Variants in HDAC9 observed in about 807,000 individuals in gnomAD.
HDAC9 encodes histone deacetylase 9.
Under a neutral mutation model 139.4 loss-of-function variants are expected in HDAC9, and 41 were observed. The observed-to-expected ratio is 0.29, with a 90% CI of 0.23 to 0.38. The LOEUF (loss-of-function observed/expected upper bound fraction) is 0.38. HDAC9 is among the 10% of genes least tolerant of loss of function. HDAC9 has a pLI of 1.00. For synonymous variants in HDAC9, 517 were observed against 476.2 expected (o/e 1.09, Z -1.12); for missense variants, 1,147 against 1,297.0 (o/e 0.88, Z 1.78).
intron 22 of HDAC9, among the ~76,000 whole-genome samples, chr7:18,929,383 C>T (rs1223228794): frequency 2.6e-5 from 4 of 151,966 alleles, no homozygotes; most frequent in African/African-American, 9.7e-5. Context: ...GGATTTCATT[C>T]TGAAAAGGCC....
intron 6 of HDAC9, among the ~76,000 whole-genome samples, chr7:18,605,628 G>T (rs1230821229): frequency 4.6e-5 from 7 of 152,070 alleles, no homozygotes; most frequent in Admixed American, 6.5e-5. Flanking sequence ...GTTCCTGGAA[G>T]TAAAACCCAT....
intron 12 of HDAC9, among the ~76,000 whole-genome samples, chr7:18,712,358 G>A (rs2129114976): frequency 6.6e-6 from 1 of 152,292 alleles, no homozygotes; most frequent in South Asian, 2.1e-4. Context: ...GCTCTAGCAT[G>A]TGGGACTATT....
intron 17 of HDAC9, among the ~76,000 whole-genome samples, chr7:18,822,590 G>T (rs143034638): frequency 3.9e-4 from 60 of 152,136 alleles, no homozygotes; most frequent in African/African-American, 1.4e-3. Context: ...TTGACCTCAG[G>T]TATCCACCTG....
intron 11 of HDAC9, among the ~76,000 whole-genome samples, chr7:18,658,323 C>G (rs1791953790): frequency 1.3e-5 from 2 of 152,132 alleles, no homozygotes; most frequent in African/African-American, 4.8e-5. Context: ...GCAATGTTCT[C>G]AAACTAGTTG....
At chr7:18,122,011 G>A (rs1206601568) in intron 1 of HDAC9, among the ~76,000 whole-genome samples, 1 of 151,542 alleles carries the variant, frequency 6.6e-6, no homozygotes, top group Non-Finnish European at 1.5e-5. Context: ...AGGCATTCTT[G>A]TATTTCTTCA....
At chr7:18,309,026 T>G (rs1175700566) in intron 1 of HDAC9, among the ~76,000 whole-genome samples, 1 of 152,170 alleles carries the variant, frequency 6.6e-6, no homozygotes, top group African/African-American at 2.4e-5. Flanking sequence ...ATATGCAAAT[T>G]ATCTGCTTGT....
chr7:18,951,050 C>T (rs562864966), intron 23 of HDAC9, among the ~76,000 whole-genome samples: 11 of 151,914 alleles, frequency 7.2e-5, no homozygotes, highest in African/African-American at 2.4e-4. Context: ...ATCAGTACAG[C>T]GTAAATTTTA....
In HDAC9 at chr7:18,793,435, G is replaced by T; in HGVS notation, c.2305G>T (p.Ala769Ser). 1 of 1,578,716 alleles carries T rather than the reference G, an allele frequency of 6.3e-7. No individual in the cohort carries two copies. Among genetic ancestry groups the T allele is most frequent in the East Asian group, 2.3e-5 (1 of 43,012 alleles). The change falls in exon 17 of 26, where the codon GCC (alanine) becomes TCC (serine). Residue 769 changes from alanine to serine, a missense_variant. Coordinates refer to ENST00000686413, the MANE Select transcript of HDAC9 (RefSeq NM_178425.4). ...GCVIELASKV[A>S]SGELKNGFAV... ...TGTCATCGAGCTGGCTTCCAAAGTG[G>T]CCTCAGGAGAGCTGAAGGTGAGGTC...
chr7:18,789,292 A>G (rs1336435277), intron 16 of HDAC9, among the ~76,000 whole-genome samples: 32 of 150,698 alleles, frequency 2.1e-4, no homozygotes, highest in South Asian at 1.0e-3. Context: ...ACACGCACAC[A>G]CACACACACA....
chr7:18,165,837 G>A (rs1465798581), intron 2 of HDAC9, among the ~76,000 whole-genome samples: 1 of 151,824 alleles, frequency 6.6e-6, no homozygotes, highest in Non-Finnish European at 1.5e-5. Context: ...CTAACACAGT[G>A]GAAACCTAGA....
chr7:18,987,246 A>G (rs1483906237), intron 25 of HDAC9, among the ~76,000 whole-genome samples: 1 of 152,220 alleles, frequency 6.6e-6, no homozygotes, highest in Non-Finnish European at 1.5e-5. Context: ...CGTCCCATCA[A>G]TACCTAATTT....
intron 12 of HDAC9, among the ~76,000 whole-genome samples, chr7:18,711,885 C>G (rs1784370089): frequency 6.6e-6 from 1 of 152,024 alleles, no homozygotes; most frequent in African/African-American, 2.4e-5. Flanking sequence ...TCGGGGCTGT[C>G]CATTCCCTGT....
intron 17 of HDAC9, among the ~76,000 whole-genome samples, chr7:18,823,637 A>T (rs1795151383): frequency 6.6e-6 from 1 of 152,086 alleles, no homozygotes; most frequent in Non-Finnish European, 1.5e-5. Flanking sequence ...GATGATAAGG[A>T]TCACATGCGG....
chr7:18,693,706 G>A lies in HDAC9; in HGVS notation c.1731+27230G>A, dbSNP rs199666043. On this transcript the variant is annotated intron_variant, in intron 12 of 25. Coordinates refer to ENST00000686413, the MANE Select transcript of HDAC9 (RefSeq NM_178425.4). The stretch of plus-strand genomic sequence containing the variant: ...GTCTTAGTCGAAATAACCTCTTTAT[G>A]TACTCCGGAAGTGACCCAGCCTCTG... Among the ~76,000 whole-genome samples, 54 of 152,244 alleles carry A rather than the reference G, an allele frequency of 3.5e-4. No individual in the cohort carries two copies. The East Asian group carries it at 0.01, about 29-fold the overall frequency.
rs745376689 is a variant in HDAC9 at position 18,657,438 on chromosome 7, T to TTTCC, written c.1467+8756_1467+8759dup. ...GATTAGCAAAGAAAATAAGGATGCC[T>TTTCC]TTCCACACTGTGCCTCTATTTTCTA... is the stretch of plus-strand genomic sequence containing the variant. On this transcript the variant is annotated intron_variant, in intron 11 of 25. Coordinates refer to ENST00000686413, the MANE Select transcript of HDAC9 (RefSeq NM_178425.4). Among the ~76,000 whole-genome samples the TTTCC allele has an allele frequency of 2.0e-5, 3 of 152,230 alleles. No individual in the cohort carries two copies. The East Asian group carries it at 5.8e-4, about 29-fold the overall frequency.
At position 18,793,393 on chromosome 7, in the gene HDAC9, C is replaced by G; in HGVS notation, c.2263C>G (p.Arg755Gly). ...WNELHSSGAA[R>G]MAVGCVIELA... The stretch of plus-strand genomic sequence containing the variant: ...TGAGCTACACTCGTCCGGTGCTGCA[C>G]GCATGGCTGTTGGCTGTGTCATCGA... Residue 755 changes from arginine (R) to glycine (G), a missense_variant, in exon 17 of 26, where the codon CGC (arginine) becomes GGC (glycine). Around this residue, in one of 7 missense-constraint regions of HDAC9, gnomAD observed 407 missense variants for 521.5 expected, o/e 0.78. Transcript: ENST00000686413. The G allele has an allele frequency of 6.3e-7, 1 of 1,587,096 alleles. No homozygotes were observed. The highest frequency in any genetic ancestry group is 8.6e-7 in the Non-Finnish European group (1 of 1,166,726).
chr7:18,351,609 T>G (rs2128674630), intron 1 of HDAC9, among the ~76,000 whole-genome samples: 1 of 152,276 alleles, frequency 6.6e-6, no homozygotes, highest in East Asian at 1.9e-4. Flanking sequence ...TAAACTGAAG[T>G]TGAATCTCAG....
chr7:18,577,124 C>T (rs73309585), intron 2 of HDAC9, among the ~76,000 whole-genome samples: 4,178 of 152,232 alleles, frequency 0.027, 190 homozygotes, highest in African/African-American at 0.096. Flanking sequence ...CATCTCACAA[C>T]TAAATAGGCC....
At chr7:18,530,883 AT>A (rs1808695930) in intron 2 of HDAC9, among the ~76,000 whole-genome samples, 1 of 151,424 alleles carries the variant, frequency 6.6e-6, no homozygotes, top group Admixed American at 6.6e-5. Context: ...AGTTAAAAAA[AT>A]CAATCGGTAT....
Sources: allele counts gnomAD v4.1 joint callset (sites outside exome capture counted in the v4.1 genomes callset), GRCh38; gene constraint gnomAD v4.1.1; regional missense constraint gnomAD v4.1.1; transcripts MANE v1.5; gene names NCBI Gene and HGNC (gene_info 2026-07-23, HGNC 2026-07-21).